Variants in DHX15 observed in about 807,000 individuals in gnomAD.
The protein encoded by DHX15 is DEAH-box helicase 15.
In DHX15, 11 loss-of-function variants were observed where a neutral mutation model predicts 94.4. The observed-to-expected ratio is 0.12, with a 90% CI of 0.07 to 0.19. The LOEUF (loss-of-function observed/expected upper bound fraction) is 0.19, where lower values mean the gene tolerates loss of function less well. DHX15 is among the 10% of genes least tolerant of loss of function. The probability of loss-of-function intolerance (pLI) is 1.00; values close to 1 mark genes in which losing one functional copy is unlikely to be tolerated. For missense variants in DHX15, 304 were observed against 988.5 expected (o/e 0.31, Z 9.29); for synonymous variants, 338 against 329.9 (o/e 1.02, Z -0.27).
intron 1 of DHX15, chr4:24,584,052 C>T (rs1722545378): frequency 2.0e-6 from 1 of 491,580 alleles, no homozygotes; most frequent in East Asian, 3.8e-5. Flanking sequence ...CCGCTCGGTT[C>T]GGCCTGGGGG....
chr4:24,568,296 C>A (rs571350063), intron 3 of DHX15, among the ~76,000 whole-genome samples: 1 of 152,244 alleles, frequency 6.6e-6, no homozygotes, highest in East Asian at 1.9e-4. Context: ...TTAAGTTCTT[C>A]CTATCAAATA....
At chr4:24,560,107 C>T (rs1456138452) in intron 3 of DHX15, among the ~76,000 whole-genome samples, 1 of 152,020 alleles carries the variant, frequency 6.6e-6, no homozygotes, top group African/African-American at 2.4e-5. Flanking sequence ...AAGCCAACTG[C>T]CAACTATGAT....
At chr4:24,584,053 G>A in intron 1 of DHX15, 2 of 490,418 alleles carry the variant, frequency 4.1e-6, no homozygotes, top group South Asian at 5.7e-5. Context: ...CGCTCGGTTC[G>A]GCCTGGGGGA....
At chr4:24,575,076 C>T (rs1241479867) in intron 2 of DHX15, among the ~76,000 whole-genome samples, 1 of 151,250 alleles carries the variant, frequency 6.6e-6, no homozygotes, top group Admixed American at 6.6e-5. Context: ...AGGATCGCTT[C>T]AGCTCAGGAG....
At chr4:24,577,931 C>T (rs183266799) in intron 1 of DHX15, among the ~76,000 whole-genome samples, 2 of 152,326 alleles carry the variant, frequency 1.3e-5, no homozygotes, top group African/African-American at 4.8e-5. Flanking sequence ...AGCCCCGAAA[C>T]ATGTCATTGT....
intron 4 of DHX15, 66 bp downstream of exon 4, chr4:24,556,185 G>A (rs1721734856): frequency 7.2e-7 from 1 of 1,385,900 alleles, no homozygotes; most frequent in Admixed American, 1.8e-5. Context: ...TGATCAGTAT[G>A]TATTCCCCAT....
In DHX15 at chr4:24,584,411, G is replaced by C. The variant is rs747042915; in HGVS notation, c.-18C>G. On this transcript the variant is annotated 5_prime_UTR_variant, in exon 1 of 14. Transcript: ENST00000336812. ...TTGGACATCCTCGCACTCTTCGAACGGGCAGTTATTAAGGAAGAAAGCTGG... is the reference window on the plus strand; with the variant it reads ...TTGGACATCCTCGCACTCTTCGAACCGGCAGTTATTAAGGAAGAAAGCTGG... 18 of 1,609,008 alleles carry C rather than the reference G, an allele frequency of 1.1e-5. No individual in the cohort carries two copies. The East Asian group carries it at 3.8e-4, about 34-fold the overall frequency.
chr4:24,569,364 G>T (rs1053288373), intron 3 of DHX15, among the ~76,000 whole-genome samples: 2 of 151,986 alleles, frequency 1.3e-5, no homozygotes, highest in Admixed American at 6.6e-5. Flanking sequence ...AGGCTGAGGC[G>T]GGCGGATCAT....
chr4:24,557,682 A>G (rs138795299), intron 3 of DHX15, among the ~76,000 whole-genome samples: 100 of 152,304 alleles, frequency 6.6e-4, no homozygotes, highest in African/African-American at 2.3e-3. Context: ...AGCATTAGCT[A>G]TAAGGTTATT....
At position 24,554,755 on chromosome 4, in the gene DHX15, T is replaced by G. The variant is rs778977272; in HGVS notation, c.1050A>C (p.Gly350=). ...GACCAGTTAAGAAAAGAAGAAGATC[T>G]CCCTCTTCCTCTTCACACATATGAA... ...IQIHMCEEEE[G]DLLLFLTGQE... Residue 350 remains glycine (G), a synonymous_variant, in exon 5 of 14, where the codon GGA becomes GGC. Transcript: ENST00000336812. 3.7e-6 allele frequency: 6 copies of G among 1,613,196 alleles called. No individual in the cohort carries two copies. Among genetic ancestry groups the G allele is most frequent in the Non-Finnish European group, 5.1e-6 (6 of 1,179,660 alleles).
At position 24,529,498 on chromosome 4, in the gene DHX15, A is replaced by C. The variant is rs2109390382; in HGVS notation, c.2270+103T>G. ...CCCTCATACCTACACACTGAAATAT[A>C]AATTCTCAATGAGTGAATGCAAGGC... is the stretch of plus-strand genomic sequence containing the variant. On this transcript the variant is annotated intron_variant, in intron 13 of 13. Transcript: ENST00000336812. 4 of 974,476 alleles carry C rather than the reference A, an allele frequency of 4.1e-6. No individual in the cohort carries two copies. The South Asian group carries it at 6.3e-5, about 15-fold the overall frequency. The allele number at this position is 974,476 out of a possible 1,614,324, so 60.4% of individuals were successfully genotyped here.
rs767428708 is a variant in DHX15 at position 24,576,600 on chromosome 4, C to T, written c.150G>A (p.Glu50=). The part of the protein sequence containing the change: ...RDRERDRGDR[E]REREKEKEKE... Reference sequence around the variant, plus strand: ...TCTCCTTTTCTTTCTCCCTCTCTCGCTCTCTATCTCCTCTATCACGTTCTC... The same window carrying T: ...TCTCCTTTTCTTTCTCCCTCTCTCGTTCTCTATCTCCTCTATCACGTTCTC... Residue 50 remains glutamate, a synonymous_variant, in exon 2 of 14, where the codon GAG becomes GAA. Coordinates refer to ENST00000336812, the MANE Select transcript of DHX15 (RefSeq NM_001358.3). 1.9e-5 allele frequency: 30 copies of T among 1,614,020 alleles called. No individual in the cohort carries two copies. Among genetic ancestry groups the T allele is most frequent in the Middle Eastern group, 1.6e-4 (1 of 6,082 alleles).
At chr4:24,552,129 A>G (rs1028626429) in intron 5 of DHX15, among the ~76,000 whole-genome samples, 2 of 152,336 alleles carry the variant, frequency 1.3e-5, no homozygotes, top group East Asian at 3.9e-4. Context: ...TGAGAATGCC[A>G]CAAAACTTAT....
At chr4:24,528,639 G>A (rs1721011325) in intron 13 of DHX15, among the ~76,000 whole-genome samples, 2 of 152,128 alleles carry the variant, frequency 1.3e-5, no homozygotes, top group Admixed American at 6.5e-5. Flanking sequence ...TAGAATATGT[G>A]CCTTCAGTCC....
intron 6 of DHX15, 112 bp downstream of exon 6, chr4:24,548,743 T>C: frequency 9.9e-7 from 1 of 1,012,196 alleles, no homozygotes; most frequent in Non-Finnish European, 1.4e-6. Flanking sequence ...TATTTTGTTG[T>C]ATAAAACCTA....
chr4:24,549,701 C>T (rs1721542875), intron 5 of DHX15, among the ~76,000 whole-genome samples: 1 of 152,124 alleles, frequency 6.6e-6, no homozygotes, highest in East Asian at 1.9e-4. Flanking sequence ...GGCTACAAAC[C>T]TGAGGAGCAT....
intron 8 of DHX15, among the ~76,000 whole-genome samples, chr4:24,541,349 C>A (rs1207534139): frequency 2.6e-5 from 4 of 152,050 alleles, no homozygotes; most frequent in African/African-American, 7.2e-5. Flanking sequence ...CACTTAGCAA[C>A]CATCTGTTAT....
rs555597490 is a variant in DHX15 at position 24,537,086 on chromosome 4, A to C, written c.1874T>G (p.Leu625Arg). 1 of 1,613,980 alleles carries C rather than the reference A, an allele frequency of 6.2e-7. No homozygotes were observed. The highest frequency in any genetic ancestry group is 1.1e-5 in the South Asian group (1 of 91,074). The stretch of plus-strand genomic sequence containing the variant: ...AGCATGGTAGACGTTCAGCAGTGTC[A>C]GATGATCTCCATCTATGTGGGCAAA... ...MRFAHIDGDH[L>R]TLLNVYHAFK... Residue 625 changes from leucine to arginine, a missense_variant, in exon 11 of 14, where the codon CTG becomes CGG. By Grantham distance (102) the Leu-to-Arg change is moderately radical. Transcript: ENST00000336812. The surrounding 1 kb of genome is among the most constrained non-coding windows in gnomAD (Gnocchi z 4.7).
chr4:24,554,966 T>C (rs375609205), intron 4 of DHX15, 23 bp from the exon 5 acceptor site: 222 of 1,580,496 alleles, frequency 1.4e-4, no homozygotes, highest in Non-Finnish European at 1.8e-4. Flanking sequence ...AGTAAATTAT[T>C]TGAAGCTGTC....
Sources: allele counts gnomAD v4.1 joint callset (sites outside exome capture counted in the v4.1 genomes callset), GRCh38; gene constraint gnomAD v4.1.1; non-coding constraint Gnocchi (gnomAD v3.1); transcripts MANE v1.5; gene names NCBI Gene and HGNC (gene_info 2026-07-23, HGNC 2026-07-21).